Variants in UPF2 observed in about 807,000 individuals in gnomAD.
The protein encoded by UPF2 is regulator of nonsense transcripts 2.
UPF2 carries 17 observed loss-of-function variants against 141.4 expected under a neutral mutation model. The observed-to-expected ratio is 0.12, with a 90% confidence interval of 0.08 to 0.18. UPF2 has a LOEUF of 0.18. Among genes scored for constraint, UPF2 ranks in the 10% least tolerant of loss-of-function variants. The pLI is 1.00. For synonymous variants in UPF2, 540 were observed against 498.0 expected (o/e 1.08, Z -1.12); for missense variants, 1,152 against 1,515.9 (o/e 0.76, Z 3.99).
At chr10:11,974,637 G>A (rs529360475) in intron 9 of UPF2, among the ~76,000 whole-genome samples, 3 of 152,152 alleles carry the variant, frequency 2.0e-5, no homozygotes, top group South Asian at 2.1e-4. Context: ...TGAGATAAGC[G>A]TGTGGTTTTT....
chr10:11,932,071 C>T (rs1832788433), intron 19 of UPF2, among the ~76,000 whole-genome samples: 2 of 151,960 alleles, frequency 1.3e-5, no homozygotes, highest in African/African-American at 4.8e-5. Context: ...ACTGCTTGAA[C>T]CCAGGAAGCG....
intron 19 of UPF2, among the ~76,000 whole-genome samples, chr10:11,932,001 T>C (rs1266278672): frequency 1.3e-5 from 2 of 152,018 alleles, no homozygotes; most frequent in Non-Finnish European, 2.9e-5. Context: ...ACACAAAAAT[T>C]AGCTGGGTGT....
chr10:12,010,406 G>C (rs1022709691), intron 4 of UPF2, among the ~76,000 whole-genome samples: 2 of 152,176 alleles, frequency 1.3e-5, no homozygotes, highest in African/African-American at 4.8e-5. Flanking sequence ...GATTGAACAT[G>C]TCAGATACAA....
At chr10:11,988,750 T>A (rs1833735023) in intron 8 of UPF2, among the ~76,000 whole-genome samples, 1 of 152,186 alleles carries the variant, frequency 6.6e-6, no homozygotes, top group Admixed American at 6.5e-5. Context: ...TTCCAAAGAC[T>A]CAAAGTAACT....
chr10:11,942,712 C>T lies in UPF2; in HGVS notation c.3331G>A (p.Glu1111Lys). 1.2e-6 allele frequency: 2 copies of T among 1,614,042 alleles called. No homozygotes were observed. The highest frequency in any genetic ancestry group is 2.2e-5 in the East Asian group (1 of 44,870). ...GLKHVPCVED[E>K]DFIQALDKMM... Reference sequence around the variant, plus strand: ...TTATCCAGAGCTTGAATGAAGTCCTCATCTTCTACACAAGGTACATGCTTA... The same window carrying T: ...TTATCCAGAGCTTGAATGAAGTCCTTATCTTCTACACAAGGTACATGCTTA... Residue 1111 changes from glutamate (E) to lysine (K), a missense_variant, in exon 18 of 22, where the codon GAG becomes AAG. This residue lies in a region of UPF2 where 202 missense variants were observed against 223.6 expected (regional missense o/e 0.90). Coordinates refer to ENST00000357604, the MANE Select transcript of UPF2 (RefSeq NM_015542.4).
chr10:11,979,314 A>G lies in UPF2; in HGVS notation c.1845-149T>C. 1 of 532,872 alleles carries G rather than the reference A, an allele frequency of 1.9e-6. No homozygotes were observed. The highest frequency in any genetic ancestry group is 3.3e-6 in the Non-Finnish European group (1 of 305,962). 33.0% of individuals were successfully genotyped at this position (532,872 alleles called of 1,614,324 possible). A position where few individuals can be genotyped will look rare whatever the true frequency, so the allele number is the denominator to read the frequency against. ...ATGCCTATTTATTGCCATCATAAAGAAGTGTTTGAAAATTCAATGAGCCTT... is the reference window on the plus strand; with the variant it reads ...ATGCCTATTTATTGCCATCATAAAGGAGTGTTTGAAAATTCAATGAGCCTT... On this transcript the variant is annotated intron_variant, in intron 8 of 21. Coordinates refer to ENST00000357604, the MANE Select transcript of UPF2 (RefSeq NM_015542.4). The surrounding 1 kb of genome is among the most constrained non-coding windows in gnomAD (Gnocchi z 6.2).
In UPF2 at chr10:12,014,242, T is replaced by G; in HGVS notation, c.1146-58A>C. 1 of 1,303,292 alleles carries G rather than the reference T, an allele frequency of 7.7e-7. No individual in the cohort carries two copies. The highest frequency in any genetic ancestry group is 9.9e-7 in the Non-Finnish European group (1 of 1,013,524). 80.7% of individuals were successfully genotyped at this position (1,303,292 alleles called of 1,614,324 possible). A position where few individuals can be genotyped will look rare whatever the true frequency, so the allele number is the denominator to read the frequency against. On this transcript the variant is annotated intron_variant, in intron 3 of 21. Transcript: ENST00000357604. The surrounding 1 kb of genome is among the most constrained non-coding windows in gnomAD (Gnocchi z 5.0). ...TCAAAATAGATGTGATCACAAATTG[T>G]TATATATGGGAAACATTCCATAATT...
In UPF2 at chr10:11,936,790, T is replaced by C; in HGVS notation, c.3379-78A>G. 1 of 1,346,320 alleles carries C rather than the reference T, an allele frequency of 7.4e-7. No individual in the cohort carries two copies. The highest frequency in any genetic ancestry group is 9.9e-7 in the Non-Finnish European group (1 of 1,009,044). 83.4% of individuals were successfully genotyped at this position (1,346,320 alleles called of 1,614,324 possible). On this transcript the variant is annotated intron_variant, in intron 18 of 21. Coordinates refer to ENST00000357604, the MANE Select transcript of UPF2 (RefSeq NM_015542.4). This position sits in a 1 kb window ranked among gnomAD's most constrained non-coding sequence, Gnocchi z 6.6. ...ATGTCAATATAAATTGCAAACTCATTCAATGCTGTATTTCTTAAAACACAA... is the reference window on the plus strand; with the variant it reads ...ATGTCAATATAAATTGCAAACTCATCCAATGCTGTATTTCTTAAAACACAA...
chr10:12,041,531 G>C (rs1039196286), intron 1 of UPF2, among the ~76,000 whole-genome samples: 1 of 152,060 alleles, frequency 6.6e-6, no homozygotes, highest in Non-Finnish European at 1.5e-5. Context: ...GGCACAAAAG[G>C]GGGTGTTTCC....
At chr10:11,961,067 G>T (rs1364393908) in intron 11 of UPF2, among the ~76,000 whole-genome samples, 2 of 148,356 alleles carry the variant, frequency 1.3e-5, no homozygotes, top group Non-Finnish European at 3.0e-5. Context: ...TCCAGCCTGG[G>T]CAACAGCGGG....
rs565297673 is a variant in UPF2 at position 11,921,402 on chromosome 10, C to T, written c.3810-95G>A. 247 of 1,515,032 alleles carry T rather than the reference C, an allele frequency of 1.6e-4. No individual in the cohort carries two copies. In the South Asian group the frequency reaches 2.7e-3, roughly 16 times the overall value. The allele number at this position is 1,515,032 out of a possible 1,614,324, so 93.8% of individuals were successfully genotyped here. Reference sequence around the variant, plus strand: ...GCAACGCTACCCACCACCACCAAGTCACTCCCCCAAGTTACAGGTGGCCCT... The same window carrying T: ...GCAACGCTACCCACCACCACCAAGTTACTCCCCCAAGTTACAGGTGGCCCT... On this transcript the variant is annotated intron_variant, in intron 21 of 21. Transcript: ENST00000357604. The surrounding 1 kb of genome is among the most constrained non-coding windows in gnomAD (Gnocchi z 5.9).
intron 3 of UPF2, among the ~76,000 whole-genome samples, chr10:12,028,035 G>C (rs1834450899): frequency 6.6e-6 from 1 of 152,064 alleles, no homozygotes; most frequent in Non-Finnish European, 1.5e-5. Flanking sequence ...CTAATGCCTA[G>C]CAACTCCATC....
intron 4 of UPF2, among the ~76,000 whole-genome samples, chr10:12,007,344 A>G (rs1386846527): frequency 6.6e-6 from 1 of 152,242 alleles, no homozygotes; most frequent in Non-Finnish European, 1.5e-5. Flanking sequence ...ATCTGACAGT[A>G]AACTTTCACT....
chr10:12,025,761 C>T (rs1834408777), intron 3 of UPF2, among the ~76,000 whole-genome samples: 2 of 152,122 alleles, frequency 1.3e-5, no homozygotes, highest in Admixed American at 1.3e-4. Flanking sequence ...AGAAGAGCTG[C>T]TTATCAAAGC....
intron 11 of UPF2, among the ~76,000 whole-genome samples, chr10:11,960,517 T>A (rs7918724): frequency 0.064 from 9,711 of 152,098 alleles, 384 homozygotes; most frequent in Non-Finnish European, 0.092. Flanking sequence ...ACAGTAAGCT[T>A]TGATCATGTC....
At chr10:11,928,336 C>CA (rs562151554) in intron 21 of UPF2, among the ~76,000 whole-genome samples, 342 of 151,084 alleles carry the variant, frequency 2.3e-3, no homozygotes, top group African/African-American at 7.2e-3. Context: ...GATTCGGTCT[C>CA]AAAAAAAAGA....
At chr10:11,975,824 C>T (rs979825510) in intron 9 of UPF2, among the ~76,000 whole-genome samples, 2 of 152,134 alleles carry the variant, frequency 1.3e-5, no homozygotes, top group African/African-American at 4.8e-5. Context: ...GCCCTAAAAA[C>T]GTTTTTGTAA....
chr10:11,932,894 T>C (rs903663697), intron 19 of UPF2, among the ~76,000 whole-genome samples: 2 of 152,190 alleles, frequency 1.3e-5, no homozygotes, highest in African/African-American at 2.4e-5. Context: ...TAAATATTAA[T>C]TGCAAAAATG....
At chr10:11,984,962 C>T (rs1361628367) in intron 8 of UPF2, among the ~76,000 whole-genome samples, 3 of 152,174 alleles carry the variant, frequency 2.0e-5, no homozygotes, top group Admixed American at 2.0e-4. Flanking sequence ...ATCCACCCGC[C>T]TCGGCCTCCC....
Sources: allele counts gnomAD v4.1 joint callset (sites outside exome capture counted in the v4.1 genomes callset), GRCh38; gene constraint gnomAD v4.1.1; regional missense constraint gnomAD v4.1.1; non-coding constraint Gnocchi (gnomAD v3.1); transcripts MANE v1.5; gene names NCBI Gene and HGNC (gene_info 2026-07-23, HGNC 2026-07-21).